GRIA3: variants seen among roughly 807,000 people sequenced by gnomAD.
The protein encoded by GRIA3 is glutamate receptor 3.
GRIA3 carries 3 observed loss-of-function variants against 63.0 expected under a neutral mutation model. The observed-to-expected ratio is 0.05, with a 90% CI of 0.02 to 0.12. The LOEUF (loss-of-function observed/expected upper bound fraction) is 0.12. Among genes scored for constraint, GRIA3 ranks in the 10% least tolerant of loss-of-function variants. The pLI is 1.00. For missense variants in GRIA3, 347 were observed against 700.9 expected (o/e 0.50, Z 5.70); for synonymous variants, 274 against 257.9 (o/e 1.06, Z -0.60).
At chrX:123,232,572 A>G (rs949829300) in intron 2 of GRIA3, among the ~76,000 whole-genome samples, 38 of 111,580 alleles carry the variant, frequency 3.4e-4, no homozygotes, top group African/African-American at 1.2e-3. Flanking sequence ...ACTGAACTGT[A>G]TACGTAAAAT....
chrX:123,286,186 T>C (rs1268335828), intron 3 of GRIA3, among the ~76,000 whole-genome samples: 1 of 111,567 alleles, frequency 9.0e-6, no homozygotes, highest in East Asian at 2.8e-4. Flanking sequence ...AATAACAAAA[T>C]TAAGGCAGAA....
chrX:123,362,294 G>A (rs1197338917), intron 5 of GRIA3, among the ~76,000 whole-genome samples: 1 of 111,889 alleles, frequency 8.9e-6, no homozygotes, highest in African/African-American at 3.3e-5. Flanking sequence ...CTGGGACAAT[G>A]AATAAAGAGA....
At chrX:123,457,428 T>C (rs751126012) in intron 12 of GRIA3, among the ~76,000 whole-genome samples, 1 of 111,829 alleles carries the variant, frequency 8.9e-6, no homozygotes, top group South Asian at 3.8e-4. Context: ...GACATGTATG[T>C]ACAAGGCTAG....
At chrX:123,463,550 CGAAGGAAGGAAG>C (rs1366354631) in intron 12 of GRIA3, among the ~76,000 whole-genome samples, 1 of 29,106 alleles carries the variant, frequency 3.4e-5, no homozygotes, top group Non-Finnish European at 5.1e-5. Context: ...ACGAAAGAAG[CGAAGGAAGGAAG>C]GAAGGAAGGA....
intron 3 of GRIA3, among the ~76,000 whole-genome samples, chrX:123,316,237 G>A (rs1050689356): frequency 2.7e-5 from 3 of 110,607 alleles, no homozygotes; most frequent in Admixed American, 1.9e-4. Flanking sequence ...CTAAAAAGTT[G>A]GACAAAGGAA....
At position 123,184,440 on chromosome X, in the gene GRIA3, G is replaced by C. The variant is rs751478629; in HGVS notation, c.-96G>C. 6.0e-6 allele frequency: 4 copies of C among 663,144 alleles called. No homozygotes were observed. The highest frequency in any genetic ancestry group is 2.2e-5 in the South Asian group (1 of 46,012). The allele number at this position is 663,144 out of a possible 1,213,427, so 54.7% of individuals were successfully genotyped here. A position where few individuals can be genotyped will look rare whatever the true frequency, so the allele number is the denominator to read the frequency against. ...AGCGAGAGCAAGTTAAGGGGAGGGGGTGTAAGAGCCAGCGAATTCTTTTTC... is the reference window on the plus strand; with the variant it reads ...AGCGAGAGCAAGTTAAGGGGAGGGGCTGTAAGAGCCAGCGAATTCTTTTTC... On this transcript the variant is annotated 5_prime_UTR_variant, in exon 1 of 16. Coordinates refer to ENST00000620443, the MANE Select transcript of GRIA3 (RefSeq NM_007325.5).
chrX:123,210,378 CT>C (rs934890300), intron 2 of GRIA3, among the ~76,000 whole-genome samples: 3 of 110,878 alleles, frequency 2.7e-5, no homozygotes, highest in Non-Finnish European at 5.7e-5. Flanking sequence ...AATTGTTTAT[CT>C]TCCTCAATCT....
intron 3 of GRIA3, among the ~76,000 whole-genome samples, chrX:123,307,514 A>G (rs930520256): frequency 8.9e-6 from 1 of 111,967 alleles, no homozygotes; most frequent in Non-Finnish European, 1.9e-5. Flanking sequence ...AAAAAACTGG[A>G]AGCAAATAGC....
rs749614821 is a variant in GRIA3, at chrX:123,450,782, C to T, written c.2077-14083C>T. Among the ~76,000 whole-genome samples, 242 of 112,106 alleles carry T rather than the reference C, an allele frequency of 2.2e-3. 1 individual carries two copies. Among genetic ancestry groups the T allele is most frequent in the African/African-American group, 7.6e-3 (235 of 30,863 alleles). Reference sequence around the variant, plus strand: ...TGAAGACAAAAAGCTGGTGAAGAGACAAAATGTTGGTGTGGAGGTGCTATT... The same window carrying T: ...TGAAGACAAAAAGCTGGTGAAGAGATAAAATGTTGGTGTGGAGGTGCTATT... On this transcript the variant is annotated intron_variant, in intron 12 of 15. Coordinates refer to ENST00000620443, the MANE Select transcript of GRIA3 (RefSeq NM_007325.5).
intron 2 of GRIA3, among the ~76,000 whole-genome samples, chrX:123,203,301 C>T (rs1001116639): frequency 9.0e-6 from 1 of 111,565 alleles, no homozygotes; most frequent in Non-Finnish European, 1.9e-5. Flanking sequence ...GGAAGCAATG[C>T]GTTATGGAAG....
Position 123,253,395 on chromosome X carries a change from C to A in GRIA3, c.361C>A (p.His121Asn). The stretch of plus-strand genomic sequence containing the variant: ...CCTGACCTCCTTCTGTGGGGCCCTG[C>A]ACACATCCTTTGTTACGCCTAGCTT... ...NTLTSFCGAL[H>N]TSFVTPSFPT... is the part of the protein sequence containing the mutation. Residue 121 changes from histidine to asparagine, a missense_variant, in exon 3 of 16, where the codon CAC becomes AAC. His to Asn is a moderately conservative substitution (Grantham distance 68). Coordinates refer to ENST00000620443, the MANE Select transcript of GRIA3 (RefSeq NM_007325.5). 8.3e-7 allele frequency: 1 copy of A among 1,211,407 alleles called. No individual in the cohort carries two copies. Among genetic ancestry groups the A allele is most frequent in the Non-Finnish European group, 1.1e-6 (1 of 894,986 alleles).
At chrX:123,383,161 C>A (rs2045334253) in intron 5 of GRIA3, among the ~76,000 whole-genome samples, 2 of 112,031 alleles carry the variant, frequency 1.8e-5, no homozygotes, top group Non-Finnish European at 3.8e-5. Flanking sequence ...TTAAATGATA[C>A]ATATTTGTAC....
intron 5 of GRIA3, among the ~76,000 whole-genome samples, chrX:123,380,703 G>C (rs2045319007): frequency 1.8e-5 from 2 of 111,895 alleles, no homozygotes; most frequent in African/African-American, 3.2e-5. Context: ...TGGTGTTTTA[G>C]ACATGAAGTC....
Position 123,426,649 on chromosome X carries a change from G to T in GRIA3, c.1878-1292G>T, listed in dbSNP as rs146065174. The stretch of plus-strand genomic sequence containing the variant: ...CACTTGCAGCAGAATCACCTGTGAT[G>T]CTTAAGAAGTGCAGATTCTTGGGCA... On this transcript the variant is annotated intron_variant, in intron 11 of 15. Coordinates refer to ENST00000620443, the MANE Select transcript of GRIA3 (RefSeq NM_007325.5). 7.1e-5 allele frequency among the ~76,000 whole-genome samples: 8 copies of T among 112,387 alleles called. No homozygotes were observed. In the East Asian group the frequency reaches 2.2e-3, roughly 32 times the overall value.
At chrX:123,249,905 G>T (rs889772902) in intron 2 of GRIA3, among the ~76,000 whole-genome samples, 2 of 111,352 alleles carry the variant, frequency 1.8e-5, no homozygotes, top group South Asian at 3.8e-4. Context: ...CATTCTTCTT[G>T]TCATAATATA....
intron 2 of GRIA3, chrX:123,202,674 A>G (rs1927775846): frequency 8.6e-7 from 1 of 1,165,129 alleles, no homozygotes. Flanking sequence ...GCCAGGAAGC[A>G]TCAGGGAAAA....
At chrX:123,245,537 G>T (rs1235583214) in intron 2 of GRIA3, among the ~76,000 whole-genome samples, 1 of 112,084 alleles carries the variant, frequency 8.9e-6, no homozygotes, top group Non-Finnish European at 1.9e-5. Flanking sequence ...CCTCATTGAG[G>T]AGGTGGACAC....
At chrX:123,313,323 C>T (rs777556740) in intron 3 of GRIA3, among the ~76,000 whole-genome samples, 4 of 111,277 alleles carry the variant, frequency 3.6e-5, no homozygotes, top group South Asian at 3.9e-4. Context: ...ACTTGTCTTC[C>T]GCAAGAGAAC....
intron 3 of GRIA3, among the ~76,000 whole-genome samples, chrX:123,305,125 C>T (rs1216223444): frequency 8.9e-6 from 1 of 112,020 alleles, no homozygotes; most frequent in Non-Finnish European, 1.9e-5. Flanking sequence ...GAAAGAATTG[C>T]TGGAGAAGCT....
Sources: gnomAD v4.1 joint callset for allele counts (sites outside exome capture counted in the v4.1 genomes callset) on GRCh38, gnomAD v4.1.1 for gene constraint, MANE v1.5 for transcripts, NCBI Gene and HGNC (gene_info 2026-07-23, HGNC 2026-07-21) for gene names.